The following VPS16 variants were observed in gnomAD, a reference collection of about 807,000 sequenced individuals.
VPS16 encodes VPS16 core subunit of CORVET and HOPS complexes.
Under a neutral mutation model 116.0 loss-of-function variants are expected in VPS16, and 82 were observed. The observed-to-expected ratio is 0.71, with a 90% CI of 0.59 to 0.85. VPS16 has a LOEUF of 0.85. VPS16 is among the 40% of genes least tolerant of loss of function. The pLI is 0.00. For synonymous variants in VPS16, 406 were observed against 420.7 expected, an observed-to-expected ratio of 0.96 and a Z score of 0.43; for missense variants, 928 against 1,090.6, an observed-to-expected ratio of 0.85 and a Z score of 2.10.
At chr20:2,861,348 C>T (rs538323863) in intron 8 of VPS16, 68 bp downstream of exon 8, 3 of 1,606,552 alleles carry the variant, frequency 1.9e-6, no homozygotes, top group Non-Finnish European at 2.6e-6. Flanking sequence ...ACAATCAGTT[C>T]CTTGATTCGT....
rs1195326174 is a variant in VPS16 at position 2,862,938 on chromosome 20, T to C, written c.1331+4T>C. The C allele has an allele frequency of 6.8e-6, 11 of 1,613,658 alleles. No homozygotes were observed. Among genetic ancestry groups the C allele is most frequent in the Non-Finnish European group, 9.3e-6 (11 of 1,179,820 alleles). The stretch of plus-strand genomic sequence containing the variant: ...GGATCCCGCTCACCTATAGCCAGTA[T>C]CCCTGTGCACGCCAGAAGGGTACCC... On this transcript the variant is annotated splice_donor_region_variant and intron_variant, in intron 13 of 23. Transcript: ENST00000380445.
rs1318893201 is a variant in VPS16 at position 2,864,831 on chromosome 20, C to T, written c.1927-147C>T. On this transcript the variant is annotated intron_variant, in intron 19 of 23. Transcript: ENST00000380445. This position sits in a 1 kb window ranked among gnomAD's most constrained non-coding sequence, Gnocchi z 5.2. ...TTAGTGTCAGAGGAGCTAGCCATCC[C>T]TCTAGGACATCAGAGTGGTGCACCT... 3 of 1,208,300 alleles carry T rather than the reference C, an allele frequency of 2.5e-6. No homozygotes were observed. Among genetic ancestry groups the T allele is most frequent in the East Asian group, 2.4e-5 (1 of 41,160 alleles). 74.8% of individuals were successfully genotyped at this position (1,208,300 alleles called of 1,614,324 possible). A position where few individuals can be genotyped will look rare whatever the true frequency, so the allele number is the denominator to read the frequency against.
Position 2,864,837 on chromosome 20 carries a change from G to A in VPS16, c.1927-141G>A. On this transcript the variant is annotated intron_variant, in intron 19 of 23. Transcript: ENST00000380445. The surrounding 1 kb of genome is among the most constrained non-coding windows in gnomAD (Gnocchi z 5.2). ...TCAGAGGAGCTAGCCATCCCTCTAG[G>A]ACATCAGAGTGGTGCACCTAGCAGG... 2 of 1,225,130 alleles carry A rather than the reference G, an allele frequency of 1.6e-6. No homozygotes were observed. The highest frequency in any genetic ancestry group is 2.3e-6 in the Non-Finnish European group (2 of 854,946). 75.9% of individuals were successfully genotyped at this position (1,225,130 alleles called of 1,614,324 possible).
intron 1 of VPS16, among the ~76,000 whole-genome samples, chr20:2,847,051 T>G (rs1329381417): frequency 1.3e-5 from 2 of 152,204 alleles, no homozygotes; most frequent in Admixed American, 6.5e-5. Flanking sequence ...TGCTCTTCAC[T>G]CTGCCCATCC....
Position 2,864,508 on chromosome 20 carries a change from A to C in VPS16, c.1819-39A>C. On this transcript the variant is annotated intron_variant, in intron 18 of 23. Coordinates refer to ENST00000380445, the MANE Select transcript of VPS16 (RefSeq NM_022575.4). This position sits in a 1 kb window ranked among gnomAD's most constrained non-coding sequence, Gnocchi z 5.2. ...TGTGGTGTAGCCTTCTGAGCACTTG[A>C]GTTGGCCTTGCTGACTGATTGCCTG... The C allele has an allele frequency of 6.2e-7, 1 of 1,613,956 alleles. No individual in the cohort carries two copies. Among genetic ancestry groups the C allele is most frequent in the Non-Finnish European group, 8.5e-7 (1 of 1,179,972 alleles).
In VPS16 at chr20:2,865,515, CCAGCCCA is replaced by C; in HGVS notation, c.2271+22_2271+28del. The C allele has an allele frequency of 6.2e-7, 1 of 1,608,082 alleles. No homozygotes were observed. Among genetic ancestry groups the C allele is most frequent in the Non-Finnish European group, 8.5e-7 (1 of 1,176,208 alleles). On this transcript the variant is annotated intron_variant, in intron 22 of 23. Transcript: ENST00000380445. This position sits in a 1 kb window ranked among gnomAD's most constrained non-coding sequence, Gnocchi z 5.2. ...TACCTGGTGAGGCAGGGTCCTCCCTCCAGCCCACTTCCAGTGAGGGTAGTCTTCGGGA... is the reference window on the plus strand; with the variant it reads ...TACCTGGTGAGGCAGGGTCCTCCCTCCTTCCAGTGAGGGTAGTCTTCGGGA...
rs1395992663 is a variant in VPS16 at position 2,863,734 on chromosome 20, C to A, written c.1477-215C>A. ...CTGAGATTGCACTGCTGCACTCCAG[C>A]CTGGGCGACAGAGCAAGACTCTGTC... On this transcript the variant is annotated intron_variant, in intron 15 of 23. Coordinates refer to ENST00000380445, the MANE Select transcript of VPS16 (RefSeq NM_022575.4). This position sits in a 1 kb window ranked among gnomAD's most constrained non-coding sequence, Gnocchi z 4.4. Among the ~76,000 whole-genome samples the A allele has an allele frequency of 1.3e-5, 2 of 151,898 alleles. No individual in the cohort carries two copies. Among genetic ancestry groups the A allele is most frequent in the Non-Finnish European group, 1.5e-5 (1 of 67,974 alleles).
In VPS16 at chr20:2,862,040, A is replaced by C. The variant is rs377534084; in HGVS notation, c.995-14A>C. 4 of 1,612,836 alleles carry C rather than the reference A, an allele frequency of 2.5e-6. No individual in the cohort carries two copies. The African/African-American group carries it at 5.4e-5, about 22-fold the overall frequency. On this transcript the variant is annotated splice_polypyrimidine_tract_variant and intron_variant, in intron 10 of 23. Transcript: ENST00000380445. ...CCCTGCCTTTCTCCCTCACTCACCA[A>C]CTCCCTTCCCCAGCGGCCAGCGAGG...
rs11539435 is a variant in VPS16, at chr20:2,865,301, C to A, written c.2158C>A (p.Arg720Ser). The change falls in exon 21 of 24, where the codon CGC (arginine) becomes AGC (serine). Residue 720 changes from arginine to serine, a missense_variant. By Grantham distance (110) the Arg-to-Ser change is moderately radical (BLOSUM62 -1). Transcript: ENST00000380445. This position sits in a 1 kb window ranked among gnomAD's most constrained non-coding sequence, Gnocchi z 5.2. The stretch of plus-strand genomic sequence containing the variant: ...TGCAGAGCAGCTGGCACGTGACTTC[C>A]GCATCCCTGACAAGAGGTAGGTGAG... ...KRAEQLARDFRIPDKRLWWLK... is the reference protein window; with the variant it reads ...KRAEQLARDFSIPDKRLWWLK... The A allele has an allele frequency of 6.2e-7, 1 of 1,614,130 alleles. No individual in the cohort carries two copies. The highest frequency in any genetic ancestry group is 8.5e-7 in the Non-Finnish European group (1 of 1,180,038).
intron 1 of VPS16, among the ~76,000 whole-genome samples, chr20:2,850,988 AAG>A (rs1320817817): frequency 3.3e-5 from 5 of 151,952 alleles, no homozygotes; most frequent in East Asian, 1.9e-4. Flanking sequence ...AAAAAAGAAA[AAG>A]AATATGAGAT....
Position 2,864,063 on chromosome 20 carries a change from C to A in VPS16, c.1591C>A (p.Arg531Ser), listed in dbSNP as rs558893855. 6.2e-7 allele frequency: 1 copy of A among 1,614,118 alleles called. No individual in the cohort carries two copies. Among genetic ancestry groups the A allele is most frequent in the Non-Finnish European group, 8.5e-7 (1 of 1,179,974 alleles). The change falls in exon 16 of 24, where the codon CGC (arginine) becomes AGC (serine). Residue 531 changes from arginine (R) to serine (S), a missense_variant. Physicochemically the swap from Arg to Ser is moderately radical, Grantham distance 110. Coordinates refer to ENST00000380445, the MANE Select transcript of VPS16 (RefSeq NM_022575.4). The surrounding 1 kb of genome is among the most constrained non-coding windows in gnomAD (Gnocchi z 5.2). ...DIAARAYGCG[R>S]TELAIKLLEY... ...TGCTGCACGAGCCTATGGTTGTGGC[C>A]GCACGGAGCTGGCCATCAAGGTGTG...
chr20:2,849,349 G>A (rs1259306977), intron 1 of VPS16, among the ~76,000 whole-genome samples: 3 of 138,384 alleles, frequency 2.2e-5, no homozygotes, highest in South Asian at 2.3e-4. Context: ...TGTCCAGACT[G>A]TAGTGCAATG....
chr20:2,858,458 T>C (rs2089196478), intron 1 of VPS16, among the ~76,000 whole-genome samples: 1 of 152,182 alleles, frequency 6.6e-6, no homozygotes, highest in Non-Finnish European at 1.5e-5. Flanking sequence ...GAAACAACTC[T>C]GCTCCTTCAT....
At position 2,842,796 on chromosome 20, in the gene VPS16, A is replaced by G. The variant is rs560651410; in HGVS notation, c.53+1969A>G. Among the ~76,000 whole-genome samples the G allele has an allele frequency of 1.3e-3, 16 of 11,910 alleles. No individual in the cohort carries two copies. The South Asian group carries it at 0.035, about 26-fold the overall frequency. The allele number at this position is 11,910 out of a possible 152,430, so 7.8% of individuals were successfully genotyped here. ...CATATAGATGTATCTATCTATAGAT[A>G]GACATATAGATGTATCTATCTATAG... On this transcript the variant is annotated intron_variant, in intron 1 of 23. Transcript: ENST00000380445.
intron 1 of VPS16, among the ~76,000 whole-genome samples, chr20:2,845,663 G>T (rs767303225): frequency 6.6e-6 from 1 of 151,644 alleles, no homozygotes; most frequent in Admixed American, 6.6e-5. Flanking sequence ...CCATTTTTGA[G>T]TGTACCCTTT....
At position 2,861,693 on chromosome 20, in the gene VPS16, C is replaced by T. The variant is rs1466263933; in HGVS notation, c.888C>T (p.Pro296=). The part of the protein sequence containing the change: ...ERRLMVVGDA[P]ESIQFVLDED... ...GGCTGATGGTGGTGGGCGATGCACC[C>T]GAGAGCATCCAGTATCCTTGGAGGG... Residue 296 remains proline (P), a synonymous_variant, in exon 9 of 24, where the codon CCC becomes CCT. Coordinates refer to ENST00000380445, the MANE Select transcript of VPS16 (RefSeq NM_022575.4). 9 of 1,612,880 alleles carry T rather than the reference C, an allele frequency of 5.6e-6. No individual in the cohort carries two copies. Among genetic ancestry groups the T allele is most frequent in the Middle Eastern group, 1.6e-4 (1 of 6,080 alleles).
intron 1 of VPS16, among the ~76,000 whole-genome samples, chr20:2,850,327 A>G (rs1038644417): frequency 6.5e-5 from 9 of 139,004 alleles, no homozygotes; most frequent in Middle Eastern, 4.1e-3. Flanking sequence ...TCTGTCTCAA[A>G]AAACAAAACA....
chr20:2,844,197 T>TGCTTTAAGA (rs1242647583), intron 1 of VPS16, among the ~76,000 whole-genome samples: 2 of 152,224 alleles, frequency 1.3e-5, no homozygotes, highest in Non-Finnish European at 2.9e-5. Flanking sequence ...AGAATGGAAA[T>TGCTTTAAGA]GCTTTAAGAG....
At chr20:2,857,558 G>A (rs1158566463) in intron 1 of VPS16, among the ~76,000 whole-genome samples, 2 of 150,116 alleles carry the variant, frequency 1.3e-5, no homozygotes, top group African/African-American at 4.9e-5. Flanking sequence ...CCAGGCAGCT[G>A]GAGTGCAGTG....
Sources: gnomAD v4.1 joint callset for allele counts (sites outside exome capture counted in the v4.1 genomes callset) on GRCh38, gnomAD v4.1.1 for gene constraint, Gnocchi (gnomAD v3.1) non-coding constraint, MANE v1.5 for transcripts, NCBI Gene and HGNC (gene_info 2026-07-23, HGNC 2026-07-21) for gene names.